The following DGKH variants were observed in gnomAD, a reference collection of about 807,000 sequenced individuals.
DGKH encodes the protein DAG kinase eta.
Under a neutral mutation model 159.3 loss-of-function variants are expected in DGKH, and 90 were observed. That is an observed-to-expected ratio of 0.57 (90% confidence interval 0.48 to 0.67). The LOEUF (loss-of-function observed/expected upper bound fraction) is 0.67, where lower values mean the gene tolerates loss of function less well. Among genes scored for constraint, DGKH ranks in the 30% least tolerant of loss-of-function variants. DGKH has a pLI of 0.00. For missense variants in DGKH, 1,181 were observed against 1,506.1 expected (o/e 0.78, Z 3.57); for synonymous variants, 536 against 553.8 (o/e 0.97, Z 0.45).
intron 17 of DGKH, among the ~76,000 whole-genome samples, chr13:42,196,175 A>T (rs1957199501): frequency 6.6e-6 from 1 of 152,214 alleles, no homozygotes. Context: ...GATGTGAAGA[A>T]ATTAGAACTT....
chr13:42,207,133 CCTTCCTTCCT>C, intron 21 of DGKH, among the ~76,000 whole-genome samples: 1 of 29,318 alleles, frequency 3.4e-5, no homozygotes, highest in South Asian at 1.3e-3. Flanking sequence ...CTCCTTCCTT[CCTTCCTTCCT>C]TCCTTCCTTC....
intron 24 of DGKH, among the ~76,000 whole-genome samples, chr13:42,213,084 T>C (rs1330711622): frequency 6.6e-6 from 1 of 152,160 alleles, no homozygotes; most frequent in Non-Finnish European, 1.5e-5. Flanking sequence ...GCCAGATCTT[T>C]ACTGGGCTGT....
chr13:42,120,273 A>G (rs750950193), intron 1 of DGKH, among the ~76,000 whole-genome samples: 3 of 152,258 alleles, frequency 2.0e-5, no homozygotes, highest in Non-Finnish European at 4.4e-5. Context: ...GTTTTGAAGG[A>G]ATGAATATTT....
intron 11 of DGKH, among the ~76,000 whole-genome samples, chr13:42,173,341 A>G (rs1011920488): frequency 6.6e-6 from 1 of 152,210 alleles, no homozygotes; most frequent in African/African-American, 2.4e-5. Flanking sequence ...TGAAATTACT[A>G]TTTTGGATAG....
At chr13:42,154,643 A>G (rs758956609) in intron 3 of DGKH, among the ~76,000 whole-genome samples, 1 of 152,214 alleles carries the variant, frequency 6.6e-6, no homozygotes. Context: ...GGAGTTCTAC[A>G]CAGTGGGGGA....
intron 1 of DGKH, among the ~76,000 whole-genome samples, chr13:42,116,533 T>C (rs1015890279): frequency 2.0e-5 from 3 of 152,228 alleles, no homozygotes; most frequent in African/African-American, 7.2e-5. Flanking sequence ...CACACCTGTT[T>C]AACACTCCTC....
At chr13:42,247,475 C>T (rs924197900), downstream of DGKH, among the ~76,000 whole-genome samples, 9 of 152,078 alleles carry the variant, frequency 5.9e-5, no homozygotes, top group African/African-American at 2.2e-4. Context: ...AAGCAATCCG[C>T]CTGCCTTGGC....
chr13:42,201,041 G>A (rs1167990201), intron 20 of DGKH, among the ~76,000 whole-genome samples: 1 of 151,968 alleles, frequency 6.6e-6, no homozygotes, highest in Non-Finnish European at 1.5e-5. Flanking sequence ...CAACCACGCT[G>A]CAGTGTAGTG....
At chr13:42,044,647 T>C (rs937493959), upstream of DGKH, among the ~76,000 whole-genome samples, 6 of 152,126 alleles carry the variant, frequency 3.9e-5, no homozygotes, top group Admixed American at 3.3e-4. Flanking sequence ...TACGACACGA[T>C]TGGGAGATGA....
chr13:42,256,186 A>T (rs879137221), intron 30 of DGKH: 3 of 1,217,850 alleles, frequency 2.5e-6, no homozygotes, highest in Non-Finnish European at 2.4e-6. Flanking sequence ...TTGCTGTAAC[A>T]GTTGGAGGCA....
At chr13:42,061,976 A>AGAGTGTGTGTGT (rs1555256114) in intron 1 of DGKH, among the ~76,000 whole-genome samples, 2 of 78,480 alleles carry the variant, frequency 2.5e-5, no homozygotes, top group Admixed American at 3.2e-4. Flanking sequence ...AAAGATGGAG[A>AGAGTGTGTGTGT]GTGTGTGTGT....
At chr13:42,050,884 C>T (rs554642717) in intron 1 of DGKH, among the ~76,000 whole-genome samples, 2 of 152,072 alleles carry the variant, frequency 1.3e-5, no homozygotes, top group East Asian at 3.8e-4. Flanking sequence ...AACAAACAAA[C>T]GTGTATGTTA....
At chr13:42,061,682 A>G (rs949818948) in intron 1 of DGKH, among the ~76,000 whole-genome samples, 1 of 152,218 alleles carries the variant, frequency 6.6e-6, no homozygotes, top group South Asian at 2.1e-4. Context: ...AATATGATAC[A>G]TAATACATTT....
At chr13:42,153,663 C>T (rs1279683811) in intron 3 of DGKH, 1 of 152,104 alleles carries the variant, frequency 6.6e-6, no homozygotes, top group Non-Finnish European at 1.5e-5. Context: ...CATGAGCTGT[C>T]CTAGAAAAAC....
chr13:42,092,943 G>A (rs139648360), intron 1 of DGKH, among the ~76,000 whole-genome samples: 2 of 151,982 alleles, frequency 1.3e-5, no homozygotes, highest in African/African-American at 4.8e-5. Flanking sequence ...GCAAGCACAC[G>A]AAAAGATGCT....
At chr13:42,207,129 C>CT (rs1219140732) in intron 21 of DGKH, among the ~76,000 whole-genome samples, 1,077 of 28,464 alleles carry the variant, frequency 0.038, 149 homozygotes, top group East Asian at 0.082. Flanking sequence ...CTCTCTCCTT[C>CT]CTTCCTTCCT....
At chr13:42,059,163 G>C (rs887957611) in intron 1 of DGKH, among the ~76,000 whole-genome samples, 4 of 152,074 alleles carry the variant, frequency 2.6e-5, no homozygotes, top group Middle Eastern at 3.4e-3. Context: ...TTAAAATTCT[G>C]ATAATTACTC....
chr13:42,040,544 G>A (rs1164281544), intron 1 of DGKH, among the ~76,000 whole-genome samples: 1 of 151,794 alleles, frequency 6.6e-6, no homozygotes. Context: ...AGGGGAGGGC[G>A]CCGGGGGCGG....
Position 42,201,242 on chromosome 13 carries a change from C to T in DGKH, c.2493+1333C>T, listed in dbSNP as rs185604210. Among the ~76,000 whole-genome samples the T allele has an allele frequency of 8.9e-4, 135 of 152,282 alleles. 1 individual carries two copies. Among genetic ancestry groups the T allele is most frequent in the Admixed American group, 8.4e-3 (129 of 15,290 alleles). ...TCTTGACCTCATGGTCTGCCCGCCT[C>T]GGCCTTCCAAAGTGCTGGGATTACT... On this transcript the variant is annotated intron_variant, in intron 20 of 29. Transcript: ENST00000337343.
Sources: allele counts gnomAD v4.1 joint callset (sites outside exome capture counted in the v4.1 genomes callset), GRCh38; gene constraint gnomAD v4.1.1; transcripts MANE v1.5; gene names NCBI Gene and HGNC (gene_info 2026-07-23, HGNC 2026-07-21).